DENND1A: variants seen among roughly 807,000 people sequenced by gnomAD.
DENND1A encodes DENN domain containing 1A.
A neutral mutation model predicts 113.7 loss-of-function variants in DENND1A; 51 were observed. The observed-to-expected ratio is 0.45, with a 90% CI of 0.36 to 0.57. DENND1A has a LOEUF of 0.57. Ranked by LOEUF, DENND1A falls within the 20% of genes least tolerant of loss-of-function variation. The pLI is 0.00. For missense variants in DENND1A, 1,258 were observed against 1,395.9 expected (o/e 0.90, Z 1.57); for synonymous variants, 565 against 570.8 (o/e 0.99, Z 0.14).
chr9:123,704,139 C>T (rs567130427), intron 5 of DENND1A, among the ~76,000 whole-genome samples: 5 of 145,044 alleles, frequency 3.4e-5, no homozygotes, highest in East Asian at 3.9e-4. Context: ...TCTAGAGGCC[C>T]GAAAAATAAA....
chr9:123,883,500 C>T (rs1209274517), intron 1 of DENND1A, among the ~76,000 whole-genome samples: 3 of 152,168 alleles, frequency 2.0e-5, no homozygotes, highest in Non-Finnish European at 4.4e-5. Context: ...CCCAGAGTGT[C>T]TCAGGTAGGA....
chr9:123,511,503 G>A (rs1027127176), intron 13 of DENND1A, among the ~76,000 whole-genome samples: 3 of 152,256 alleles, frequency 2.0e-5, no homozygotes, highest in Non-Finnish European at 4.4e-5. Flanking sequence ...CCAGCACAGG[G>A]CTGAGGACAG....
At chr9:123,827,029 A>T (rs1230047714) in intron 2 of DENND1A, among the ~76,000 whole-genome samples, 1 of 152,032 alleles carries the variant, frequency 6.6e-6, no homozygotes, top group African/African-American at 2.4e-5. Flanking sequence ...TAGAGAGCTT[A>T]AAAAAAATCA....
chr9:123,518,689 A>G (rs2054140428), intron 13 of DENND1A, among the ~76,000 whole-genome samples: 1 of 152,120 alleles, frequency 6.6e-6, no homozygotes, highest in East Asian at 1.9e-4. Flanking sequence ...AGTCCTACTG[A>G]TCCCATCTCC....
intron 2 of DENND1A, among the ~76,000 whole-genome samples, chr9:123,833,122 CAAAAAAAAAAAAA>C (rs1163844269): frequency 7.3e-5 from 2 of 27,568 alleles, no homozygotes; most frequent in African/African-American, 1.1e-4. Flanking sequence ...GACCTCATCT[CAAAAAAAAAAAAA>C]AAAAAAAAAA....
chr9:123,562,004 G>A (rs1040809370), intron 12 of DENND1A, among the ~76,000 whole-genome samples: 2 of 152,104 alleles, frequency 1.3e-5, no homozygotes, highest in Non-Finnish European at 2.9e-5. Flanking sequence ...CTAGTGGAGC[G>A]GTTTCCTCAG....
intron 22 of DENND1A, among the ~76,000 whole-genome samples, chr9:123,387,002 G>A (rs1006615023): frequency 1.3e-5 from 2 of 152,218 alleles, no homozygotes; most frequent in Non-Finnish European, 2.9e-5. Flanking sequence ...CGGGCATCCC[G>A]CAAAGGGCAG....
intron 1 of DENND1A, among the ~76,000 whole-genome samples, chr9:123,913,316 C>A (rs963685230): frequency 6.6e-6 from 1 of 151,978 alleles, no homozygotes; most frequent in Non-Finnish European, 1.5e-5. Flanking sequence ...TGAATATGTA[C>A]TCCAGCGAAC....
At chr9:123,605,066 G>A (rs1316997602) in intron 11 of DENND1A, among the ~76,000 whole-genome samples, 4 of 152,084 alleles carry the variant, frequency 2.6e-5, no homozygotes, top group Non-Finnish European at 5.9e-5. Flanking sequence ...CCTTGCCCAC[G>A]ATCAAGTAAG....
chr9:123,921,355 CAGAG>C (rs1470118374), intron 1 of DENND1A, among the ~76,000 whole-genome samples: 4 of 152,122 alleles, frequency 2.6e-5, no homozygotes, highest in Non-Finnish European at 5.9e-5. Context: ...ATTTAGAACT[CAGAG>C]GGAGAATGTA....
intron 10 of DENND1A, among the ~76,000 whole-genome samples, chr9:123,615,745 C>A (rs1320024421): frequency 6.6e-6 from 1 of 152,174 alleles, no homozygotes; most frequent in Non-Finnish European, 1.5e-5. Flanking sequence ...AAGGGTGACT[C>A]TAGATTGTCA....
At chr9:123,823,293 T>C (rs1838787644) in intron 2 of DENND1A, among the ~76,000 whole-genome samples, 1 of 152,142 alleles carries the variant, frequency 6.6e-6, no homozygotes, top group Admixed American at 6.5e-5. Flanking sequence ...CGAGTAGCCT[T>C]GATGGATGCA....
chr9:123,474,012 T>C (rs2049686866), intron 13 of DENND1A, among the ~76,000 whole-genome samples: 1 of 64,940 alleles, frequency 1.5e-5, no homozygotes, highest in African/African-American at 5.4e-5. Flanking sequence ...TTTTTTTTTT[T>C]GAGATGGAGT....
intron 20 of DENND1A, among the ~76,000 whole-genome samples, chr9:123,406,065 A>C (rs181569012): frequency 6.6e-6 from 1 of 152,354 alleles, no homozygotes; most frequent in East Asian, 1.9e-4. Flanking sequence ...TTTCCTGAAC[A>C]TCGTACCCCC....
intron 9 of DENND1A, among the ~76,000 whole-genome samples, chr9:123,650,924 A>G (rs2062614161): frequency 6.6e-6 from 1 of 151,042 alleles, no homozygotes. Context: ...AAAAAAAAAA[A>G]AAAAAAAGAT....
At position 123,381,389 on chromosome 9, in the gene DENND1A, G is replaced by T. The variant is rs748551876; in HGVS notation, c.*43C>A. 1.3e-6 allele frequency: 2 copies of T among 1,578,482 alleles called. No individual in the cohort carries two copies. Among genetic ancestry groups the T allele is most frequent in the East Asian group, 2.2e-5 (1 of 44,618 alleles). ...GAGCCTCGGAACCGCAGCAGTGGAC[G>T]GACCCTCGGGCCTCGGTGCATCCCC... is the stretch of plus-strand genomic sequence containing the variant. On this transcript the variant is annotated 3_prime_UTR_variant, in exon 24 of 24. Coordinates refer to ENST00000394215, the MANE Select transcript of DENND1A (RefSeq NM_001352964.2). The surrounding 1 kb of genome is among the most constrained non-coding windows in gnomAD (Gnocchi z 4.7).
At chr9:123,775,075 CATG>C in intron 3 of DENND1A, among the ~76,000 whole-genome samples, 1 of 152,280 alleles carries the variant, frequency 6.6e-6, no homozygotes, top group Non-Finnish European at 1.5e-5. Context: ...GTTCCATAAT[CATG>C]ATATTATATA....
At chr9:123,401,573 CA>C in intron 21 of DENND1A, 1 of 1,388,444 alleles carries the variant, frequency 7.2e-7, no homozygotes, top group Non-Finnish European at 9.3e-7. Flanking sequence ...GGTAGTTTGC[CA>C]ACCACCAAAC....
intron 3 of DENND1A, among the ~76,000 whole-genome samples, chr9:123,776,886 G>A (rs1390058911): frequency 6.6e-6 from 1 of 152,156 alleles, no homozygotes; most frequent in Non-Finnish European, 1.5e-5. Context: ...AAGCTGGCAC[G>A]CTACATAAAT....
Sources: gnomAD v4.1 joint callset for allele counts (sites outside exome capture counted in the v4.1 genomes callset) on GRCh38, gnomAD v4.1.1 for gene constraint, Gnocchi (gnomAD v3.1) non-coding constraint, MANE v1.5 for transcripts, NCBI Gene and HGNC (gene_info 2026-07-23, HGNC 2026-07-21) for gene names.